NUP210L: variants seen among roughly 807,000 people sequenced by gnomAD.
NUP210L encodes nucleoporin 210 like, also known as nuclear pore membrane glycoprotein 210-like.
A neutral mutation model predicts 208.5 loss-of-function variants in NUP210L; 74 were observed. That is an observed-to-expected ratio of 0.35 (90% CI 0.29 to 0.43). The LOEUF (loss-of-function observed/expected upper bound fraction) is 0.43, where lower values mean the gene tolerates loss of function less well. Among genes scored for constraint, NUP210L ranks in the 20% least tolerant of loss-of-function variants. NUP210L has a pLI of 1.00. For missense variants in NUP210L, 1,843 were observed against 2,289.4 expected (o/e 0.81, Z 3.98); for synonymous variants, 780 against 816.9 (o/e 0.95, Z 0.77).
intron 16 of NUP210L, among the ~76,000 whole-genome samples, chr1:154,085,895 C>G (rs1327091743): frequency 1.3e-5 from 2 of 152,084 alleles, no homozygotes; most frequent in Non-Finnish European, 2.9e-5. Context: ...GGTGCTGTGT[C>G]AAGTGGATAC....
chr1:154,046,264 C>G (rs1031092070), intron 26 of NUP210L, 25 bp downstream of exon 26: 8 of 1,613,764 alleles, frequency 5.0e-6, no homozygotes, highest in Non-Finnish European at 6.8e-6. Flanking sequence ...GAATAATGAG[C>G]CCTGAACAGA....
At chr1:154,152,210 C>T (rs1005724629) in intron 2 of NUP210L, among the ~76,000 whole-genome samples, 3 of 44 alleles carry the variant, frequency 0.068, no homozygotes, top group African/African-American at 0.17. Flanking sequence ...CTCCCTCTGT[C>T]GCCCCGCTGG....
chr1:154,042,548 TC>T (rs1391256693), intron 27 of NUP210L, among the ~76,000 whole-genome samples: 1 of 151,968 alleles, frequency 6.6e-6, no homozygotes, highest in Non-Finnish European at 1.5e-5. Context: ...TGCCTCAGCC[TC>T]CTCAGTAGCT....
chr1:154,049,715 A>G (rs958044485), intron 25 of NUP210L, among the ~76,000 whole-genome samples: 1 of 152,246 alleles, frequency 6.6e-6, no homozygotes, highest in South Asian at 2.1e-4. Context: ...TAATTCAGTT[A>G]TACAACCTAT....
chr1:154,117,504 CG>C (rs1244737966), intron 12 of NUP210L, among the ~76,000 whole-genome samples: 2 of 152,016 alleles, frequency 1.3e-5, no homozygotes, highest in Admixed American at 6.6e-5. Flanking sequence ...TTACTTGAAC[CG>C]GGGAGGCAGA....
chr1:154,019,002 T>A, exon 33 of NUP210L: 1 of 1,614,128 alleles, frequency 6.2e-7, no homozygotes, highest in East Asian at 2.2e-5. Flanking sequence ...TCCTGGCCAC[T>A]CCTACTCCAG....
chr1:154,019,823 G>A (rs1651456432), intron 32 of NUP210L, among the ~76,000 whole-genome samples: 1 of 152,134 alleles, frequency 6.6e-6, no homozygotes, highest in African/African-American at 2.4e-5. Flanking sequence ...CTACTTGAGA[G>A]GCTGAGGCAG....
Position 154,126,934 on chromosome 1 carries a change from T to C in NUP210L, c.1185+377A>G, listed in dbSNP as rs931113460. Among the ~76,000 whole-genome samples, 8 of 151,930 alleles carry C rather than the reference T, an allele frequency of 5.3e-5. No individual in the cohort carries two copies. In the East Asian group the frequency reaches 1.5e-3, roughly 29 times the overall value. ...TCTATAATTCTGACCAAATTATATC[T>C]TTTACTTCTGATTTAGCATTCCTCA... On this transcript the variant is annotated intron_variant, in intron 9 of 39. Coordinates refer to ENST00000368559, the Ensembl canonical transcript of NUP210L.
rs369183433 is a variant in NUP210L at position 154,141,416 on chromosome 1, T to A, written c.566+15A>T. 113 of 1,489,530 alleles carry A rather than the reference T, an allele frequency of 7.6e-5. No individual in the cohort carries two copies. In the African/African-American group the frequency reaches 1.2e-3, roughly 16 times the overall value. 92.3% of individuals were successfully genotyped at this position (1,489,530 alleles called of 1,614,324 possible). ...TCTTCATAGTCAGATGATTTATGTTTGGTTTCAAGTTTACCTAATTTTGCT... is the reference window on the plus strand; with the variant it reads ...TCTTCATAGTCAGATGATTTATGTTAGGTTTCAAGTTTACCTAATTTTGCT... On this transcript the variant is annotated intron_variant, in intron 4 of 39. Transcript: ENST00000368559.
At chr1:154,149,639 G>A (rs1298977236) in intron 2 of NUP210L, among the ~76,000 whole-genome samples, 1 of 152,118 alleles carries the variant, frequency 6.6e-6, no homozygotes, top group Non-Finnish European at 1.5e-5. Flanking sequence ...AGCCCAGGAG[G>A]TCATAGCTGC....
At chr1:154,150,376 G>T (rs977018959) in intron 2 of NUP210L, among the ~76,000 whole-genome samples, 2 of 151,668 alleles carry the variant, frequency 1.3e-5, no homozygotes, top group African/African-American at 4.8e-5. Flanking sequence ...CATCATCTTT[G>T]TCATGACCAC....
At chr1:154,113,541 T>C (rs543994157) in intron 12 of NUP210L, among the ~76,000 whole-genome samples, 2 of 152,076 alleles carry the variant, frequency 1.3e-5, no homozygotes, top group African/African-American at 4.8e-5. Flanking sequence ...GAATATGAGA[T>C]AGTAACTATA....
rs745338846 is a variant in NUP210L, at chr1:154,104,106, T to G, written c.1725A>C (p.Lys575Asn). ...TGAATGCCATGGCTTCTTTGGTCTC[T>G]TTATTTATGTGATACATTGCAATGG... The change falls in exon 13 of 40, where the codon AAA becomes AAC. Residue 575 changes from lysine to asparagine, a missense_variant. Around this residue, in one of 5 missense-constraint regions of NUP210L, gnomAD observed 408 missense variants for 600.8 expected, o/e 0.68. Transcript: ENST00000368559. The G allele has an allele frequency of 3.2e-5, 52 of 1,614,100 alleles. No homozygotes were observed. Among genetic ancestry groups the G allele is most frequent in the Non-Finnish European group, 4.2e-5 (50 of 1,179,950 alleles).
chr1:154,078,227 G>A (rs1655140992), intron 16 of NUP210L, among the ~76,000 whole-genome samples: 1 of 151,858 alleles, frequency 6.6e-6, no homozygotes, highest in South Asian at 2.1e-4. Context: ...TGGGGTGGGA[G>A]GATCCTTTGA....
chr1:154,017,291 A>G (rs1185130197), intron 33 of NUP210L, among the ~76,000 whole-genome samples: 6 of 141,168 alleles, frequency 4.3e-5, no homozygotes, highest in Admixed American at 7.8e-5. Context: ...CAACAAAAAA[A>G]AAAAAAGGGG....
chr1:154,007,564 T>C (rs1650636125), intron 35 of NUP210L, among the ~76,000 whole-genome samples: 1 of 150,970 alleles, frequency 6.6e-6, no homozygotes, highest in Non-Finnish European at 1.5e-5. Flanking sequence ...ACCTGGCCTA[T>C]ATATTTTTTC....
intron 20 of NUP210L, among the ~76,000 whole-genome samples, chr1:154,059,856 A>G (rs2147995803): frequency 6.6e-6 from 1 of 152,332 alleles, no homozygotes; most frequent in Non-Finnish European, 1.5e-5. Flanking sequence ...TTTTATTACT[A>G]TAAATCAACT....
At chr1:154,130,799 G>A (rs1386976419) in intron 7 of NUP210L, among the ~76,000 whole-genome samples, 1 of 151,516 alleles carries the variant, frequency 6.6e-6, no homozygotes, top group African/African-American at 2.4e-5. Flanking sequence ...TGCCTAGACT[G>A]GTCTTAAACT....
chr1:154,122,559 G>T (rs1314482524), intron 10 of NUP210L, among the ~76,000 whole-genome samples: 1 of 152,138 alleles, frequency 6.6e-6, no homozygotes, highest in East Asian at 1.9e-4. Flanking sequence ...AGAGGCTGAG[G>T]CAGGAGAATG....
Sources: allele counts gnomAD v4.1 joint callset (sites outside exome capture counted in the v4.1 genomes callset), GRCh38; gene constraint gnomAD v4.1.1; regional missense constraint gnomAD v4.1.1; transcripts MANE v1.5; gene names NCBI Gene and HGNC (gene_info 2026-07-23, HGNC 2026-07-21).